EPHA6: variants seen among roughly 807,000 people sequenced by gnomAD.
The protein encoded by EPHA6 is EPH receptor A6.
In EPHA6, 50 loss-of-function variants were observed where a neutral mutation model predicts 112.0. The observed-to-expected ratio is 0.45, with a 90% CI of 0.36 to 0.56. The LOEUF (loss-of-function observed/expected upper bound fraction) is 0.56. Ranked by LOEUF, EPHA6 falls within the 20% of genes least tolerant of loss-of-function variation. EPHA6 has a pLI of 0.00. For missense variants in EPHA6, 1,280 were observed against 1,417.4 expected, an observed-to-expected ratio of 0.90 and a Z score of 1.56; for synonymous variants, 529 against 490.7, an observed-to-expected ratio of 1.08 and a Z score of -1.03.
rs891292402 is a variant in EPHA6, at chr3:97,414,542, T to A, written c.1731+9268T>A. Reference sequence around the variant, plus strand: ...TAGTTTATTCCCGCATAGTAACCGATGTATAGTAAGCTGCTTCATTTCCCG... The same window carrying A: ...TAGTTTATTCCCGCATAGTAACCGAAGTATAGTAAGCTGCTTCATTTCCCG... On this transcript the variant is annotated intron_variant, in intron 6 of 17. Transcript: ENST00000389672. Among the ~76,000 whole-genome samples the A allele has an allele frequency of 2.0e-5, 3 of 152,040 alleles. No individual in the cohort carries two copies. In the South Asian group the frequency reaches 6.2e-4, roughly 31 times the overall value.
chr3:97,347,590 G>A (rs932471792), intron 5 of EPHA6, among the ~76,000 whole-genome samples: 1 of 152,006 alleles, frequency 6.6e-6, no homozygotes, highest in Non-Finnish European at 1.5e-5. Context: ...TGAATTTGAG[G>A]CTATTTCTCC....
intron 11 of EPHA6, among the ~76,000 whole-genome samples, chr3:97,577,092 C>T (rs1469003505): frequency 6.6e-6 from 1 of 152,170 alleles, no homozygotes; most frequent in Non-Finnish European, 1.5e-5. Context: ...TCATGGCCTA[C>T]TGCAGACTCT....
intron 5 of EPHA6, among the ~76,000 whole-genome samples, chr3:97,359,946 G>A (rs1425845482): frequency 1.3e-5 from 2 of 151,914 alleles, no homozygotes; most frequent in African/African-American, 4.8e-5. Context: ...TGCCTTTCAT[G>A]TACGGCTCCC....
intron 6 of EPHA6, among the ~76,000 whole-genome samples, chr3:97,424,806 C>CAAAAAA (rs60277455): frequency 3.8e-5 from 2 of 52,088 alleles, no homozygotes; most frequent in African/African-American, 5.8e-5. Flanking sequence ...AACTCTGTCT[C>CAAAAAA]AAAAAAAAAA....
intron 11 of EPHA6, among the ~76,000 whole-genome samples, chr3:97,545,694 G>C (rs941588526): frequency 6.6e-6 from 1 of 152,100 alleles, no homozygotes; most frequent in African/African-American, 2.4e-5. Context: ...TATTGTGTGG[G>C]AGTCTAAGTC....
At position 97,639,555 on chromosome 3, in the gene EPHA6, T is replaced by C. The variant is rs188537182; in HGVS notation, c.2784+1473T>C. ...TAAAAAATAAAATATGATGGGAAAT[T>C]ACTACACTCTTTGTGGCAGTAAGCC... On this transcript the variant is annotated intron_variant, in intron 14 of 17. Coordinates refer to ENST00000389672, the MANE Select transcript of EPHA6 (RefSeq NM_001080448.3). 6.5e-3 allele frequency among the ~76,000 whole-genome samples: 985 copies of C among 152,224 alleles called. 8 individuals are homozygous for C. Among genetic ancestry groups the C allele is most frequent in the Non-Finnish European group, 7.6e-3 (514 of 67,966 alleles).
At chr3:97,409,213 G>A (rs539079358) in intron 6 of EPHA6, among the ~76,000 whole-genome samples, 15 of 152,148 alleles carry the variant, frequency 9.9e-5, no homozygotes, top group African/African-American at 3.6e-4. Context: ...AGAACATTCT[G>A]TTAAGGACAA....
chr3:96,904,137 G>T (rs2038780822), intron 2 of EPHA6, among the ~76,000 whole-genome samples: 1 of 151,978 alleles, frequency 6.6e-6, no homozygotes. Flanking sequence ...AAATCATGCT[G>T]CTATGAAGAC....
chr3:97,403,645 A>C (rs1458289329), intron 5 of EPHA6, among the ~76,000 whole-genome samples: 1 of 152,106 alleles, frequency 6.6e-6, no homozygotes, highest in East Asian at 1.9e-4. Flanking sequence ...ACGGGGTTTC[A>C]CCGTGTTAGC....
At chr3:96,959,210 G>A (rs1165836495) in intron 2 of EPHA6, among the ~76,000 whole-genome samples, 3 of 152,116 alleles carry the variant, frequency 2.0e-5, no homozygotes, top group African/African-American at 7.2e-5. Context: ...CCTAGTAAGC[G>A]TGGAGTGGTT....
intron 14 of EPHA6, among the ~76,000 whole-genome samples, chr3:97,683,343 AG>A (rs1225766015): frequency 1.2e-4 from 18 of 152,272 alleles, no homozygotes; most frequent in African/African-American, 3.8e-4. Flanking sequence ...TTATATATGC[AG>A]TACCACTCAT....
At chr3:97,596,875 A>AAAATATATATATATATATATAT (rs570033415) in intron 12 of EPHA6, among the ~76,000 whole-genome samples, 6 of 100,376 alleles carry the variant, frequency 6.0e-5, no homozygotes, top group African/African-American at 2.9e-4. Flanking sequence ...ATATCTATGG[A>AAAATATATATATATATATATAT]ATATATATAT....
intron 3 of EPHA6, among the ~76,000 whole-genome samples, chr3:97,167,505 CT>C (rs1232117048): frequency 1.3e-5 from 2 of 151,986 alleles, no homozygotes; most frequent in African/African-American, 4.8e-5. Context: ...TTCATGTTAA[CT>C]TTTATTTTAA....
intron 5 of EPHA6, among the ~76,000 whole-genome samples, chr3:97,266,628 A>T (rs1006181388): frequency 6.6e-6 from 1 of 152,180 alleles, no homozygotes; most frequent in South Asian, 2.1e-4. Flanking sequence ...TCTTGGCAAA[A>T]GCCTGGGTAG....
intron 4 of EPHA6, 82 bp from the exon 5 acceptor site, chr3:97,243,870 G>A: frequency 9.7e-7 from 1 of 1,028,726 alleles, no homozygotes; most frequent in South Asian, 1.7e-5. Context: ...AGCAACAAGT[G>A]TTTATTGATG....
chr3:97,724,605 A>G (rs1433033049), intron 15 of EPHA6, among the ~76,000 whole-genome samples: 1 of 152,062 alleles, frequency 6.6e-6, no homozygotes. Context: ...GTCTCTACAA[A>G]ATATAGAAAA....
At chr3:96,888,458 G>T (rs2037763361) in intron 2 of EPHA6, among the ~76,000 whole-genome samples, 1 of 152,144 alleles carries the variant, frequency 6.6e-6, no homozygotes, top group South Asian at 2.1e-4. Flanking sequence ...CCCTCAGAGG[G>T]TCTGTGGGTC....
chr3:97,457,395 T>A (rs2090724985), intron 7 of EPHA6, among the ~76,000 whole-genome samples: 1 of 152,158 alleles, frequency 6.6e-6, no homozygotes, highest in Admixed American at 6.5e-5. Flanking sequence ...TCTGTTTTAA[T>A]TTTATGTCCT....
At chr3:97,052,840 A>C (rs2045726794) in intron 3 of EPHA6, among the ~76,000 whole-genome samples, 2 of 152,106 alleles carry the variant, frequency 1.3e-5, no homozygotes, top group Admixed American at 1.3e-4. Flanking sequence ...TAAACATCCC[A>C]AGCCATCTTG....
Sources: gnomAD v4.1 joint callset for allele counts (sites outside exome capture counted in the v4.1 genomes callset) on GRCh38, gnomAD v4.1.1 for gene constraint, MANE v1.5 for transcripts, NCBI Gene and HGNC (gene_info 2026-07-23, HGNC 2026-07-21) for gene names.